The following ZNF385C variants were observed in gnomAD, a reference collection of about 807,000 sequenced individuals.
ZNF385C encodes CTD-2132N18.2.
ZNF385C carries 28 observed loss-of-function variants against 35.4 expected under a neutral mutation model. That is an observed-to-expected ratio of 0.79 (90% CI 0.59 to 1.08). ZNF385C has a LOEUF of 1.08. ZNF385C is among the 50% of genes least tolerant of loss of function. The pLI is 0.00. For missense variants in ZNF385C, 605 were observed against 595.6 expected (o/e 1.02, Z -0.16); for synonymous variants, 248 against 248.2 (o/e 1.00, Z 0.01).
chr17:42,089,057 C>T (rs1180979725), intron 1 of ZNF385C, among the ~76,000 whole-genome samples: 1 of 152,166 alleles, frequency 6.6e-6, no homozygotes, highest in Non-Finnish European at 1.5e-5. Flanking sequence ...CCTGCCTCTA[C>T]TTCCCCACTT....
chr17:42,060,577 AC>A (rs564790830), intron 2 of ZNF385C, among the ~76,000 whole-genome samples: 2,038 of 151,720 alleles, frequency 0.013, 21 homozygotes, highest in Non-Finnish European at 0.021. Context: ...GCCCCTCCCC[AC>A]CCAAAGAGCC....
rs1434102211 is a variant in ZNF385C at position 42,025,696 on chromosome 17, A to G, written c.*1201T>C. The G allele has an allele frequency of 6.6e-6, 1 of 152,566 alleles. No individual in the cohort carries two copies. The highest frequency in any genetic ancestry group is 6.6e-5 in the Admixed American group (1 of 15,250). 9.5% of individuals were successfully genotyped at this position (152,566 alleles called of 1,614,324 possible). On this transcript the variant is annotated 3_prime_UTR_variant, in exon 9 of 9. Transcript: ENST00000692273. ...CTCCCATTGGAAATGTCTTTAAAAA[A>G]CAAAAAAAAGATACAGGGGGATACT...
chr17:42,028,305 A>AC lies in ZNF385C; in HGVS notation c.968-60dup, dbSNP rs1469816868. 5 of 1,472,168 alleles carry AC rather than the reference A, an allele frequency of 3.4e-6. No homozygotes were observed. In the African/African-American group the frequency reaches 4.3e-5, roughly 13 times the overall value. 91.2% of individuals were successfully genotyped at this position (1,472,168 alleles called of 1,614,324 possible). A position where few individuals can be genotyped will look rare whatever the true frequency, so the allele number is the denominator to read the frequency against. ...GGAAGGGGTTGCAGGGGCCACAGAG[A>AC]CCCCCTCCACACTCATGCAATTTGG... is the stretch of plus-strand genomic sequence containing the variant. On this transcript the variant is annotated intron_variant, in intron 6 of 8. Transcript: ENST00000692273.
In ZNF385C at chr17:42,068,215, G is replaced by A. The variant is rs77878908; in HGVS notation, c.-2-5157C>T. ...TCTGTCTAACCCTGCCCTGAGCATC[G>A]GCAGCTCGGCATCCCCAACCCTGGC... On this transcript the variant is annotated intron_variant, in intron 1 of 8. Coordinates refer to ENST00000692273, the MANE Select transcript of ZNF385C (RefSeq NM_001392013.1). 2.6e-3 allele frequency among the ~76,000 whole-genome samples: 398 copies of A among 152,216 alleles called. 2 individuals are homozygous for A. The highest frequency in any genetic ancestry group is 9.1e-3 in the African/African-American group (379 of 41,550).
intron 2 of ZNF385C, among the ~76,000 whole-genome samples, chr17:42,057,642 G>A (rs550762755): frequency 5.7e-4 from 87 of 152,060 alleles, no homozygotes; most frequent in African/African-American, 2.0e-3. Context: ...GGCTCAAGAT[G>A]CATTCCTGAA....
At chr17:42,033,386 C>T (rs1169965802) in intron 4 of ZNF385C, among the ~76,000 whole-genome samples, 2 of 152,198 alleles carry the variant, frequency 1.3e-5, no homozygotes, top group Non-Finnish European at 2.9e-5. Context: ...TACTTACCAG[C>T]TGTGTGGTCT....
intron 2 of ZNF385C, among the ~76,000 whole-genome samples, chr17:42,053,612 C>T (rs2053323199): frequency 6.6e-6 from 1 of 152,318 alleles, no homozygotes; most frequent in Non-Finnish European, 1.5e-5. Context: ...TCCAGCTCCC[C>T]AGCATTCCTA....
intron 1 of ZNF385C, among the ~76,000 whole-genome samples, chr17:42,079,199 AAAAAAT>A (rs1567995801): frequency 7.5e-6 from 1 of 132,518 alleles, no homozygotes; most frequent in African/African-American, 3.0e-5. Flanking sequence ...AAAAAAAAAA[AAAAAAT>A]ATATATATAT....
intron 2 of ZNF385C, among the ~76,000 whole-genome samples, chr17:42,060,015 G>A (rs992960974): frequency 4.9e-4 from 75 of 152,134 alleles, no homozygotes; most frequent in African/African-American, 1.7e-3. Flanking sequence ...CACAGGGACC[G>A]TTGCCCAGGA....
At position 42,069,332 on chromosome 17, in the gene ZNF385C, G is replaced by C. The variant is rs1300344228; in HGVS notation, c.-2-6274C>G. Among the ~76,000 whole-genome samples, 3 of 152,206 alleles carry C rather than the reference G, an allele frequency of 2.0e-5. No homozygotes were observed. The East Asian group carries it at 5.8e-4, about 29-fold the overall frequency. On this transcript the variant is annotated intron_variant, in intron 1 of 8. Transcript: ENST00000692273. Reference sequence around the variant, plus strand: ...TCCCATCTCCACCACTTCTGGTTGGGTGACAAATGCACGTGAGGTCCCTGG... The same window carrying C: ...TCCCATCTCCACCACTTCTGGTTGGCTGACAAATGCACGTGAGGTCCCTGG...
rs555951789 is a variant in ZNF385C at position 42,045,591 on chromosome 17, A to G, written c.251-7706T>C. 1.2e-3 allele frequency among the ~76,000 whole-genome samples: 188 copies of G among 152,330 alleles called. 2 individuals are homozygous for G. Among genetic ancestry groups the G allele is most frequent in the Non-Finnish European group, 2.0e-3 (137 of 68,026 alleles). On this transcript the variant is annotated intron_variant, in intron 2 of 8. Transcript: ENST00000692273. ...AGCAATAAGTAGCTGAGGCTCAATC[A>G]GAGTGACCTCCTGACCCCAAAGGCT...
At chr17:42,078,366 C>T (rs1555659426) in intron 1 of ZNF385C, among the ~76,000 whole-genome samples, 1 of 151,666 alleles carries the variant, frequency 6.6e-6, no homozygotes. Context: ...GGTAGGAAGC[C>T]TAGAATCTCT....
At chr17:42,040,096 C>T (rs2143640534) in intron 2 of ZNF385C, 3 of 1,231,298 alleles carry the variant, frequency 2.4e-6, no homozygotes, top group South Asian at 4.1e-5. Flanking sequence ...AGCAAAGCCG[C>T]GCAGCAGCAC....
chr17:42,034,614 T>C (rs528164309), intron 3 of ZNF385C, among the ~76,000 whole-genome samples: 1 of 58,002 alleles, frequency 1.7e-5, no homozygotes, highest in African/African-American at 3.9e-5. Flanking sequence ...ACCCCATCTC[T>C]ACTAAAAAAA....
Position 42,027,822 on chromosome 17 carries a change from C to G in ZNF385C, c.1165-94G>C, listed in dbSNP as rs781999775. On this transcript the variant is annotated intron_variant, in intron 7 of 8. Coordinates refer to ENST00000692273, the MANE Select transcript of ZNF385C (RefSeq NM_001392013.1). ...ACTCTTCCCCTTCCTCTATCCACAG[C>G]TCATACATCCAAAGCACACAGACTG... The G allele has an allele frequency of 2.2e-6, 3 of 1,362,800 alleles. No homozygotes were observed. In the South Asian group the frequency reaches 3.6e-5, roughly 16 times the overall value. The allele number at this position is 1,362,800 out of a possible 1,614,324, so 84.4% of individuals were successfully genotyped here.
intron 2 of ZNF385C, chr17:42,041,152 T>C (rs1206235514): frequency 2.5e-5 from 31 of 1,232,196 alleles, no homozygotes; most frequent in Non-Finnish European, 2.6e-5. Context: ...CTTCAGGCGC[T>C]GGCAGGCCTC....
intron 2 of ZNF385C, among the ~76,000 whole-genome samples, chr17:42,055,929 T>C (rs1412365387): frequency 6.6e-6 from 1 of 152,128 alleles, no homozygotes; most frequent in Non-Finnish European, 1.5e-5. Context: ...CTCTTACCAC[T>C]ACCCCTCTCC....
chr17:42,042,620 C>G (rs1354713651), intron 2 of ZNF385C, among the ~76,000 whole-genome samples: 1 of 152,348 alleles, frequency 6.6e-6, no homozygotes, highest in East Asian at 1.9e-4. Context: ...GCCCCTGTGC[C>G]CGCTAAGAGG....
chr17:42,095,455 G>C lies in ZNF385C; in HGVS notation c.-3+2955C>G, dbSNP rs1157419930. ...GAAGGGCAGCCAGAGGGATGGTGGG[G>C]TCCAACCCTGGCTTTCCCCCAGGCT... is the stretch of plus-strand genomic sequence containing the variant. On this transcript the variant is annotated intron_variant, in intron 1 of 8. Coordinates refer to ENST00000692273, the MANE Select transcript of ZNF385C (RefSeq NM_001392013.1). This position sits in a 1 kb window ranked among gnomAD's most constrained non-coding sequence, Gnocchi z 4.4. Among the ~76,000 whole-genome samples, 2 of 152,294 alleles carry C rather than the reference G, an allele frequency of 1.3e-5. No homozygotes were observed. Among genetic ancestry groups the C allele is most frequent in the East Asian group, 3.9e-4 (2 of 5,170 alleles).
Sources: allele counts gnomAD v4.1 joint callset (sites outside exome capture counted in the v4.1 genomes callset), GRCh38; gene constraint gnomAD v4.1.1; non-coding constraint Gnocchi (gnomAD v3.1); transcripts MANE v1.5; gene names NCBI Gene and HGNC (gene_info 2026-07-23, HGNC 2026-07-21).